Variants in LRP1B observed in about 807,000 individuals in gnomAD.
The protein encoded by LRP1B is LDL receptor related protein 1B, also known as low-density lipoprotein receptor-related protein 1B.
LRP1B carries 217 observed loss-of-function variants against 556.6 expected under a neutral mutation model. The ratio of observed to expected loss-of-function variants is 0.39; its 90% CI spans 0.35 to 0.44. LRP1B has a LOEUF of 0.44. Among genes scored for constraint, LRP1B ranks in the 20% least tolerant of loss-of-function variants. LRP1B has a pLI of 1.00. For missense variants in LRP1B, 5,053 were observed against 5,620.8 expected (o/e 0.90, Z 3.23); for synonymous variants, 2,047 against 1,865.8 (o/e 1.10, Z -2.50).
At chr2:141,910,886 A>G (rs1699891679) in intron 1 of LRP1B, among the ~76,000 whole-genome samples, 1 of 152,100 alleles carries the variant, frequency 6.6e-6, no homozygotes, top group Admixed American at 6.6e-5. Flanking sequence ...GAAAAGTATT[A>G]ATAAGATAAA....
At chr2:141,508,088 C>T (rs10928109) in intron 2 of LRP1B, among the ~76,000 whole-genome samples, 13 of 149,204 alleles carry the variant, frequency 8.7e-5, no homozygotes, top group East Asian at 3.9e-4. Flanking sequence ...TCCATCCCCC[C>T]CCCAAAAAAA....
intron 21 of LRP1B, among the ~76,000 whole-genome samples, chr2:140,913,622 C>G (rs902364460): frequency 6.6e-6 from 1 of 152,018 alleles, no homozygotes; most frequent in Non-Finnish European, 1.5e-5. Context: ...AGTGACTACT[C>G]TTGCTACTCA....
intron 35 of LRP1B, among the ~76,000 whole-genome samples, chr2:140,725,117 C>T (rs1008229581): frequency 1.3e-5 from 2 of 152,130 alleles, no homozygotes; most frequent in Non-Finnish European, 2.9e-5. Context: ...TCTTAAGCAA[C>T]CTGTTTTTCC....
intron 27 of LRP1B, among the ~76,000 whole-genome samples, chr2:140,853,208 C>A (rs1278943206): frequency 2.6e-5 from 4 of 152,042 alleles, no homozygotes; most frequent in Non-Finnish European, 5.9e-5. Context: ...TGTAGAGGTG[C>A]CCTTCCTAAG....
At chr2:141,553,791 GAAAT>G (rs1489044698) in intron 2 of LRP1B, among the ~76,000 whole-genome samples, 2 of 131,406 alleles carry the variant, frequency 1.5e-5, no homozygotes, top group East Asian at 4.3e-4. Context: ...TAAATATATA[GAAAT>G]ATATATTATA....
chr2:140,551,169 G>A (rs1680534311), intron 43 of LRP1B, among the ~76,000 whole-genome samples: 1 of 152,094 alleles, frequency 6.6e-6, no homozygotes, highest in Non-Finnish European at 1.5e-5. Context: ...TATTATAGCA[G>A]CCTGAGCTAA....
intron 7 of LRP1B, among the ~76,000 whole-genome samples, chr2:141,175,332 C>T (rs1680688164): frequency 6.6e-6 from 1 of 152,078 alleles, no homozygotes; most frequent in South Asian, 2.1e-4. Context: ...GAAAACCCAC[C>T]ACAGGCCTTG....
chr2:141,044,058 G>A (rs1312611945), intron 11 of LRP1B, among the ~76,000 whole-genome samples: 1 of 151,830 alleles, frequency 6.6e-6, no homozygotes, highest in Admixed American at 6.6e-5. Flanking sequence ...CATGGTACTG[G>A]TACCAAAACA....
At chr2:140,644,869 G>C (rs1684424197) in intron 41 of LRP1B, among the ~76,000 whole-genome samples, 1 of 151,962 alleles carries the variant, frequency 6.6e-6, no homozygotes, top group Non-Finnish European at 1.5e-5. Context: ...ATTGGCCTTA[G>C]TATTTGTTTT....
intron 7 of LRP1B, among the ~76,000 whole-genome samples, chr2:141,111,825 C>CGGAT (rs1700759353): frequency 1.3e-5 from 2 of 151,972 alleles, no homozygotes; most frequent in African/African-American, 4.8e-5. Context: ...CCGAAGCAGG[C>CGGAT]GGATCACAAG....
intron 2 of LRP1B, among the ~76,000 whole-genome samples, chr2:141,761,359 C>CAA (rs11355588): frequency 1.1e-3 from 165 of 148,330 alleles, no homozygotes; most frequent in African/African-American, 3.8e-3. Flanking sequence ...AATCCTAAGT[C>CAA]AAAAAAAAAA....
At chr2:141,113,227 A>G (rs1700798755) in intron 7 of LRP1B, among the ~76,000 whole-genome samples, 1 of 152,188 alleles carries the variant, frequency 6.6e-6, no homozygotes, top group Non-Finnish European at 1.5e-5. Context: ...AAAAATCTCT[A>G]TCAAAGCACA....
At chr2:140,985,140 T>A (rs3820783) in intron 17 of LRP1B, among the ~76,000 whole-genome samples, 65,735 of 151,596 alleles carry the variant, frequency 0.43, 15,318 homozygotes, top group East Asian at 0.61. Context: ...TTTGCTGTAA[T>A]CATGCTTCTC....
rs528422802 is a variant in LRP1B, at chr2:140,315,090, C to T, written c.12650G>A (p.Cys4217Tyr). 1.2e-6 allele frequency: 2 copies of T among 1,602,568 alleles called. No homozygotes were observed. Among genetic ancestry groups the T allele is most frequent in the Non-Finnish European group, 1.7e-6 (2 of 1,173,846 alleles). The change falls in exon 83 of 91, where the codon TGT (cysteine) becomes TAT (tyrosine). Residue 4217 changes from cysteine to tyrosine, a missense_variant. Transcript: ENST00000389484. ...TCCTCCATTTTCACAAGTTAACTTA[C>T]ATGAATCATCTGTTTATGAGAAGAA... The part of the protein sequence containing the change: ...CNDDSLLDDS[C>Y]KLTCENGGRC...
At chr2:141,607,078 T>C (rs540420165) in intron 2 of LRP1B, among the ~76,000 whole-genome samples, 104 of 151,936 alleles carry the variant, frequency 6.8e-4, no homozygotes, top group African/African-American at 2.5e-3. Context: ...AAGCACTAGG[T>C]ATTCAGTGGA....
chr2:141,977,490 A>G (rs1204454807), intron 1 of LRP1B, among the ~76,000 whole-genome samples: 2 of 152,114 alleles, frequency 1.3e-5, no homozygotes, highest in Non-Finnish European at 2.9e-5. Context: ...TGAACCCAGG[A>G]GACAGAGGTT....
intron 35 of LRP1B, among the ~76,000 whole-genome samples, chr2:140,725,324 C>T (rs1201882526): frequency 7.0e-6 from 1 of 143,270 alleles, no homozygotes; most frequent in African/African-American, 2.6e-5. Context: ...ATATCAAGAC[C>T]AGACCTTTTT....
intron 2 of LRP1B, among the ~76,000 whole-genome samples, chr2:141,581,784 A>T (rs1686964682): frequency 6.6e-6 from 1 of 152,170 alleles, no homozygotes; most frequent in Non-Finnish European, 1.5e-5. Flanking sequence ...CATTCATTAC[A>T]TTCCAAACAT....
intron 2 of LRP1B, among the ~76,000 whole-genome samples, chr2:141,801,273 A>G (rs1388597888): frequency 2.0e-5 from 3 of 152,116 alleles, no homozygotes; most frequent in Non-Finnish European, 2.9e-5. Flanking sequence ...GTTTGTTTAT[A>G]TATGCATGCA....
Sources: gnomAD v4.1 joint callset for allele counts (sites outside exome capture counted in the v4.1 genomes callset) on GRCh38, gnomAD v4.1.1 for gene constraint, MANE v1.5 for transcripts, NCBI Gene and HGNC (gene_info 2026-07-23, HGNC 2026-07-21) for gene names.